The following DPH6 variants were observed in gnomAD, a reference collection of about 807,000 sequenced individuals.
DPH6 encodes diphthamine biosynthesis 6, also known as diphthine--ammonia ligase.
A neutral mutation model predicts 38.2 loss-of-function variants in DPH6; 33 were observed. The ratio of observed to expected loss-of-function variants is 0.86; its 90% confidence interval spans 0.65 to 1.15. The LOEUF is 1.15. Among genes scored for constraint, DPH6 ranks in the 50% most tolerant of loss-of-function variants. DPH6 has a pLI of 0.00. For synonymous variants in DPH6, 108 were observed against 103.0 expected (o/e 1.05, Z -0.30); for missense variants, 325 against 320.0 (o/e 1.02, Z -0.12).
chr15:35,459,534 A>G (rs2054036762), intron 3 of DPH6, among the ~76,000 whole-genome samples: 1 of 152,210 alleles, frequency 6.6e-6, no homozygotes, highest in South Asian at 2.1e-4. Flanking sequence ...AGATAAGACT[A>G]TTAGGTACAC....
At chr15:35,298,831 G>A (rs778166088) in intron 3 of DPH6, 6 of 1,074,808 alleles carry the variant, frequency 5.6e-6, no homozygotes, top group Non-Finnish European at 8.7e-6. Flanking sequence ...GGGAGGAATG[G>A]CAGTTTTGGA....
intron 3 of DPH6, among the ~76,000 whole-genome samples, chr15:35,315,415 TA>T (rs1331260995): frequency 4.6e-5 from 7 of 152,342 alleles, no homozygotes; most frequent in African/African-American, 1.4e-4. Context: ...TTTTAATTAA[TA>T]AAGATGTGTT....
At chr15:35,440,797 T>C (rs1004050286) in intron 5 of DPH6, among the ~76,000 whole-genome samples, 6 of 152,094 alleles carry the variant, frequency 3.9e-5, no homozygotes, top group Admixed American at 6.5e-5. Flanking sequence ...AAAGCCAACA[T>C]TGACAAATGG....
At chr15:35,473,863 A>T (rs1279238742) in intron 3 of DPH6, among the ~76,000 whole-genome samples, 4 of 151,726 alleles carry the variant, frequency 2.6e-5, no homozygotes, top group Non-Finnish European at 5.9e-5. Context: ...AAATGAAATG[A>T]CCTTCAGGAT....
chr15:35,481,570 C>G (rs2054327526), intron 3 of DPH6, among the ~76,000 whole-genome samples: 1 of 151,976 alleles, frequency 6.6e-6, no homozygotes. Context: ...GAAGAGATTA[C>G]TGTAAATTGT....
chr15:35,381,852 T>A lies in DPH6; in HGVS notation c.632A>T (p.Asp211Val). ...EGGEYETFTLDCPLFKKKIIV... is the reference protein window; with the variant it reads ...EGGEYETFTLVCPLFKKKIIV... Reference sequence around the variant, plus strand: ...TATTTTCTTCTTAAATAGAGGGCAATCCAAAGTGAAAGTTTCATACTCTCC... The same window carrying A: ...TATTTTCTTCTTAAATAGAGGGCAAACCAAAGTGAAAGTTTCATACTCTCC... Residue 211 changes from aspartate to valine, a missense_variant, in exon 7 of 9, where the codon GAT (aspartate) becomes GTT (valine). By Grantham distance (152) the Asp-to-Val change is radical. Coordinates refer to ENST00000256538, the MANE Select transcript of DPH6 (RefSeq NM_080650.4). 1 of 1,613,470 alleles carries A rather than the reference T, an allele frequency of 6.2e-7. No individual in the cohort carries two copies. The highest frequency in any genetic ancestry group is 8.5e-7 in the Non-Finnish European group (1 of 1,179,548).
At chr15:35,316,551 A>G (rs907191778) in intron 3 of DPH6, among the ~76,000 whole-genome samples, 1 of 152,202 alleles carries the variant, frequency 6.6e-6, no homozygotes. Flanking sequence ...GAAATGCCAG[A>G]AAGTATTTAA....
chr15:35,388,705 T>TA (rs1314432405), intron 6 of DPH6, among the ~76,000 whole-genome samples: 4 of 152,342 alleles, frequency 2.6e-5, no homozygotes, highest in African/African-American at 9.6e-5. Context: ...TGTCATTTTT[T>TA]ATTGCATCTA....
intron 3 of DPH6, among the ~76,000 whole-genome samples, chr15:35,342,493 T>G (rs1013290059): frequency 6.6e-6 from 1 of 152,212 alleles, no homozygotes; most frequent in African/African-American, 2.4e-5. Flanking sequence ...TAGGTTGAGT[T>G]GTTTTCTTAG....
intron 3 of DPH6, among the ~76,000 whole-genome samples, chr15:35,277,682 T>C (rs907909758): frequency 2.6e-5 from 4 of 151,994 alleles, no homozygotes; most frequent in Non-Finnish European, 1.5e-5. Context: ...GACAGTGAAG[T>C]CCAAGCTGAA....
chr15:35,408,617 T>G (rs1046450599), intron 6 of DPH6, among the ~76,000 whole-genome samples: 1 of 151,256 alleles, frequency 6.6e-6, no homozygotes, highest in African/African-American at 2.4e-5. Flanking sequence ...AAACTAGGAG[T>G]CAGAAAAAGA....
chr15:35,472,725 C>G (rs1162791393), intron 3 of DPH6, among the ~76,000 whole-genome samples: 1 of 151,912 alleles, frequency 6.6e-6, no homozygotes, highest in Non-Finnish European at 1.5e-5. Context: ...TAAAAATCAG[C>G]AAGAGACAAG....
chr15:35,171,382 T>C, the DPH6 span, among the ~76,000 whole-genome samples: 6 of 152,176 alleles, frequency 3.9e-5, no homozygotes, highest in Non-Finnish European at 8.8e-5. Flanking sequence ...CTGCTAGTAT[T>C]CCAGAAACAT....
chr15:35,354,982 A>G (rs2052546787), intron 3 of DPH6, among the ~76,000 whole-genome samples: 1 of 152,186 alleles, frequency 6.6e-6, no homozygotes, highest in African/African-American at 2.4e-5. Flanking sequence ...TATTGGGTGC[A>G]TACATATTTA....
At chr15:35,489,399 G>C (rs2054446825) in intron 3 of DPH6, 6 of 985,222 alleles carry the variant, frequency 6.1e-6, no homozygotes, top group Middle Eastern at 1.0e-3. Context: ...GAAACTTTTT[G>C]AATCTTAAAC....
the DPH6 span, among the ~76,000 whole-genome samples, chr15:35,177,272 T>TA: frequency 2.6e-5 from 4 of 151,658 alleles, no homozygotes; most frequent in Non-Finnish European, 5.9e-5. Context: ...AACCAAGTTT[T>TA]AAAAAAAACT....
chr15:35,482,179 C>G (rs1279099800), intron 3 of DPH6, among the ~76,000 whole-genome samples: 1 of 152,166 alleles, frequency 6.6e-6, no homozygotes, highest in Non-Finnish European at 1.5e-5. Flanking sequence ...CTGTGATCTC[C>G]TGGCAAACGA....
At chr15:35,298,942 T>A (rs2052034310) in intron 3 of DPH6, 1 of 790,816 alleles carries the variant, frequency 1.3e-6, no homozygotes, top group Middle Eastern at 3.4e-4. Flanking sequence ...GCTCCGCCCA[T>A]ACTTGTTTTC....
chr15:35,394,446 A>T (rs1305476535), intron 6 of DPH6, among the ~76,000 whole-genome samples: 1 of 152,224 alleles, frequency 6.6e-6, no homozygotes, highest in Non-Finnish European at 1.5e-5. Flanking sequence ...TACTGATCTC[A>T]TAGATGATTA....
Sources: gnomAD v4.1 joint callset for allele counts (sites outside exome capture counted in the v4.1 genomes callset) on GRCh38, gnomAD v4.1.1 for gene constraint, MANE v1.5 for transcripts, NCBI Gene and HGNC (gene_info 2026-07-23, HGNC 2026-07-21) for gene names.